The following REEP1 variants were observed in gnomAD, a reference collection of about 807,000 sequenced individuals.
The protein encoded by REEP1 is receptor accessory protein 1, also known as receptor expression-enhancing protein 1.
In REEP1, 22 loss-of-function variants were observed where a neutral mutation model predicts 40.3. The observed-to-expected ratio is 0.55, with a 90% confidence interval of 0.39 to 0.78. REEP1 has a LOEUF of 0.78. Ranked by LOEUF, REEP1 falls within the 30% of genes least tolerant of loss-of-function variation. REEP1 has a pLI of 0.00. For synonymous variants in REEP1, 116 were observed against 139.2 expected (o/e 0.83, Z 1.17); for missense variants, 280 against 361.1 (o/e 0.78, Z 1.82).
chr2:86,231,730 C>G (rs1018145464), intron 6 of REEP1, among the ~76,000 whole-genome samples: 1 of 152,102 alleles, frequency 6.6e-6, no homozygotes, highest in Non-Finnish European at 1.5e-5. Flanking sequence ...TCCTGGGCAG[C>G]TGCTGTGCTC....
chr2:86,301,455 C>T (rs1480696630), intron 1 of REEP1, among the ~76,000 whole-genome samples: 2 of 152,214 alleles, frequency 1.3e-5, no homozygotes, highest in African/African-American at 4.8e-5. Flanking sequence ...CTGAACTTCT[C>T]TAAGATTCAG....
intron 5 of REEP1, among the ~76,000 whole-genome samples, chr2:86,244,350 T>G (rs535445134): frequency 1.3e-5 from 2 of 152,266 alleles, no homozygotes; most frequent in East Asian, 3.9e-4. Flanking sequence ...TTTGTAGATC[T>G]TCTTTTTCTT....
intron 2 of REEP1, among the ~76,000 whole-genome samples, chr2:86,264,916 A>G (rs1677060260): frequency 6.6e-6 from 1 of 152,176 alleles, no homozygotes; most frequent in South Asian, 2.1e-4. Context: ...TCTGCACATC[A>G]TGGGGCAGAG....
chr2:86,327,386 C>T (rs192844564), intron 1 of REEP1, among the ~76,000 whole-genome samples: 52 of 152,052 alleles, frequency 3.4e-4, no homozygotes, highest in South Asian at 8.3e-4. Context: ...AGCTTGCCAC[C>T]TTCTAAGAAT....
At chr2:86,318,115 T>A (rs1680106072) in intron 1 of REEP1, among the ~76,000 whole-genome samples, 2 of 152,224 alleles carry the variant, frequency 1.3e-5, no homozygotes, top group African/African-American at 2.4e-5. Context: ...ACAGTGATAT[T>A]AATGCATATG....
chr2:86,319,817 T>C (rs1451502359), intron 1 of REEP1, among the ~76,000 whole-genome samples: 1 of 152,000 alleles, frequency 6.6e-6, no homozygotes, highest in East Asian at 1.9e-4. Flanking sequence ...AGTGTCCTTA[T>C]AAAAGAGGAA....
chr2:86,303,405 G>A (rs1679347427), intron 1 of REEP1, among the ~76,000 whole-genome samples: 1 of 151,830 alleles, frequency 6.6e-6, no homozygotes, highest in African/African-American at 2.4e-5. Flanking sequence ...TTTTAGTAGA[G>A]ACAGGGTTTC....
intron 1 of REEP1, among the ~76,000 whole-genome samples, chr2:86,295,548 G>A (rs754516373): frequency 6.6e-6 from 1 of 152,076 alleles, no homozygotes; most frequent in Admixed American, 6.5e-5. Flanking sequence ...GTTTTGAGAC[G>A]GAGTCTTGCT....
chr2:86,271,258 A>G (rs1206725939), intron 2 of REEP1, among the ~76,000 whole-genome samples: 6 of 152,054 alleles, frequency 3.9e-5, no homozygotes, highest in African/African-American at 1.4e-4. Flanking sequence ...GTGAATCCCA[A>G]GCAAGATAAA....
At position 86,323,167 on chromosome 2, in the gene REEP1, C is replaced by T. The variant is rs114282894; in HGVS notation, c.32+14312G>A. Among the ~76,000 whole-genome samples, 479 of 152,310 alleles carry T rather than the reference C, an allele frequency of 3.1e-3. 4 individuals carry two copies. The highest frequency in any genetic ancestry group is 0.011 in the African/African-American group (460 of 41,572). On this transcript the variant is annotated intron_variant, in intron 1 of 8. Transcript: ENST00000538924. ...GCAGTGTGCCATGATTGTGCCACTG[C>T]ACTCCAGCCTTGGCAACAGAGCCAG...
At chr2:86,278,309 A>G (rs1176121440) in intron 2 of REEP1, among the ~76,000 whole-genome samples, 1 of 152,206 alleles carries the variant, frequency 6.6e-6, no homozygotes, top group Non-Finnish European at 1.5e-5. Flanking sequence ...CTAAAATAGT[A>G]TGTGAGCTGC....
rs541518392 is a variant in REEP1 at position 86,307,686 on chromosome 2, G to A, written c.33-25444C>T. On this transcript the variant is annotated intron_variant, in intron 1 of 8. Transcript: ENST00000538924. ...TGAGGCTGCCATGAGCCGTGATGGC[G>A]CCACTGCACTCCAGGTCTGGGCTAC... Among the ~76,000 whole-genome samples, 270 of 151,386 alleles carry A rather than the reference G, an allele frequency of 1.8e-3. 1 individual carries two copies. The highest frequency in any genetic ancestry group is 6.3e-3 in the African/African-American group (259 of 41,232).
chr2:86,244,381 A>T (rs1045730282), intron 5 of REEP1, among the ~76,000 whole-genome samples: 7 of 151,512 alleles, frequency 4.6e-5, no homozygotes, highest in Admixed American at 2.0e-4. Flanking sequence ...GAGTGGGAAA[A>T]TTTTTTTTAA....
At chr2:86,287,648 A>C (rs912095136) in intron 1 of REEP1, among the ~76,000 whole-genome samples, 1 of 152,230 alleles carries the variant, frequency 6.6e-6, no homozygotes, top group African/African-American at 2.4e-5. Flanking sequence ...TAACAGAAGA[A>C]TGCTCCTTGG....
In REEP1 at chr2:86,242,545, A is replaced by G. The variant is rs192125050; in HGVS notation, c.417+9412T>C. ...GCATTAACCTGGAAGAGTGGGGAGG[A>G]TTTCAAAGAGGTAGAAACAGAGGCA... is the stretch of plus-strand genomic sequence containing the variant. On this transcript the variant is annotated intron_variant, in intron 5 of 8. Coordinates refer to ENST00000538924, the MANE Select transcript of REEP1 (RefSeq NM_001371279.1). 2.0e-3 allele frequency among the ~76,000 whole-genome samples: 303 copies of G among 152,022 alleles called. 1 individual carries two copies. Among genetic ancestry groups the G allele is most frequent in the African/African-American group, 6.8e-3 (283 of 41,506 alleles).
chr2:86,256,387 C>T (rs911468505), intron 3 of REEP1, among the ~76,000 whole-genome samples: 7 of 151,318 alleles, frequency 4.6e-5, no homozygotes, highest in Non-Finnish European at 8.8e-5. Context: ...TGCAACACAC[C>T]TTTCATATGC....
intron 1 of REEP1, among the ~76,000 whole-genome samples, chr2:86,331,846 C>T (rs1206107898): frequency 6.6e-6 from 1 of 152,158 alleles, no homozygotes; most frequent in Non-Finnish European, 1.5e-5. Flanking sequence ...CCATTGCCAT[C>T]TTCCCTGCAT....
intron 1 of REEP1, among the ~76,000 whole-genome samples, chr2:86,309,409 C>T (rs1187650236): frequency 1.3e-5 from 2 of 152,268 alleles, no homozygotes; most frequent in African/African-American, 4.8e-5. Context: ...GAAATCACAA[C>T]ACACGTGCTC....
intron 7 of REEP1, among the ~76,000 whole-genome samples, chr2:86,222,773 C>T (rs1674494800): frequency 6.6e-6 from 1 of 152,188 alleles, no homozygotes; most frequent in African/African-American, 2.4e-5. Flanking sequence ...GTAGACCTAA[C>T]TCCTTTTTAT....
Sources: gnomAD v4.1 joint callset for allele counts (sites outside exome capture counted in the v4.1 genomes callset) on GRCh38, gnomAD v4.1.1 for gene constraint, MANE v1.5 for transcripts, NCBI Gene and HGNC (gene_info 2026-07-23, HGNC 2026-07-21) for gene names.